Variants in MAML3 observed in about 807,000 individuals in gnomAD.
MAML3 encodes the protein mastermind like transcriptional coactivator 3, also known as mastermind-like protein 3.
In MAML3, 27 loss-of-function variants were observed where a neutral mutation model predicts 101.9. The ratio of observed to expected loss-of-function variants is 0.27; its 90% CI spans 0.20 to 0.37. The LOEUF (loss-of-function observed/expected upper bound fraction) is 0.37. Among genes scored for constraint, MAML3 ranks in the 10% least tolerant of loss-of-function variants. MAML3 has a pLI of 1.00. For synonymous variants in MAML3, 501 were observed against 555.9 expected (o/e 0.90, Z 1.39); for missense variants, 1,316 against 1,444.9 (o/e 0.91, Z 1.45).
intron 2 of MAML3, among the ~76,000 whole-genome samples, chr4:139,757,381 G>A (rs1729675054): frequency 6.6e-6 from 1 of 152,086 alleles, no homozygotes; most frequent in African/African-American, 2.4e-5. Flanking sequence ...CAGGTGTGGT[G>A]GCTCACCCCT....
At chr4:140,065,785 C>T (rs1727526831) in intron 1 of MAML3, among the ~76,000 whole-genome samples, 1 of 152,152 alleles carries the variant, frequency 6.6e-6, no homozygotes, top group Non-Finnish European at 1.5e-5. Context: ...AGATTATTCT[C>T]ATCATAAAAA....
At chr4:140,121,129 C>T (rs542779012) in intron 1 of MAML3, among the ~76,000 whole-genome samples, 2 of 152,290 alleles carry the variant, frequency 1.3e-5, no homozygotes, top group Admixed American at 1.3e-4. Flanking sequence ...CTATGATGAA[C>T]TCAGGCTCAA....
At chr4:139,798,550 T>A (rs1730556012) in intron 2 of MAML3, among the ~76,000 whole-genome samples, 1 of 152,186 alleles carries the variant, frequency 6.6e-6, no homozygotes, top group African/African-American at 2.4e-5. Flanking sequence ...AAAGACAAGG[T>A]CATCACAAAG....
At chr4:139,935,600 A>T (rs1026626158) in intron 1 of MAML3, among the ~76,000 whole-genome samples, 1 of 147,978 alleles carries the variant, frequency 6.8e-6, no homozygotes, top group Non-Finnish European at 1.5e-5. Context: ...TCTAACACTT[A>T]TTCTCAGTGT....
At chr4:139,947,629 T>C (rs574553218) in intron 1 of MAML3, among the ~76,000 whole-genome samples, 6 of 152,334 alleles carry the variant, frequency 3.9e-5, no homozygotes, top group African/African-American at 1.4e-4. Flanking sequence ...TGGGGCTTAA[T>C]TAACCTTTTA....
intron 1 of MAML3, among the ~76,000 whole-genome samples, chr4:139,967,817 T>G (rs1734163883): frequency 6.6e-6 from 1 of 152,090 alleles, no homozygotes; most frequent in Non-Finnish European, 1.5e-5. Flanking sequence ...TCTGTATTGT[T>G]TTCTTGCCAT....
chr4:139,788,377 G>GT (rs1730343230), intron 2 of MAML3, among the ~76,000 whole-genome samples: 1 of 152,130 alleles, frequency 6.6e-6, no homozygotes, highest in Admixed American at 6.5e-5. Flanking sequence ...TTTGCTAGAT[G>GT]TTTTTTCATG....
intron 2 of MAML3, among the ~76,000 whole-genome samples, chr4:139,855,436 A>G (rs1731639639): frequency 6.6e-6 from 1 of 152,244 alleles, no homozygotes; most frequent in African/African-American, 2.4e-5. Context: ...GGTATTTTAG[A>G]AAGACCTTTC....
chr4:139,969,855 A>G (rs1728704590), intron 1 of MAML3, among the ~76,000 whole-genome samples: 1 of 152,190 alleles, frequency 6.6e-6, no homozygotes, highest in Admixed American at 6.5e-5. Context: ...GACTCACAAA[A>G]AAGTGTTTCC....
intron 2 of MAML3, among the ~76,000 whole-genome samples, chr4:139,782,858 C>A (rs1471502872): frequency 1.3e-5 from 2 of 152,170 alleles, no homozygotes; most frequent in African/African-American, 2.4e-5. Flanking sequence ...TCACCTTTCA[C>A]CTAAAAATAT....
chr4:140,132,648 G>A lies in MAML3; in HGVS notation c.468+20212C>T, dbSNP rs1017015764. On this transcript the variant is annotated intron_variant, in intron 1 of 4. Coordinates refer to ENST00000509479, the MANE Select transcript of MAML3 (RefSeq NM_018717.5). ...GCTCCGAAGAAGGCAACGTCTGCAA[G>A]CAAATGCCTTCGTGGTGCCCTGGGA... Among the ~76,000 whole-genome samples, 6 of 152,232 alleles carry A rather than the reference G, an allele frequency of 3.9e-5. No homozygotes were observed. In the East Asian group the frequency reaches 1.2e-3, roughly 29 times the overall value.
At chr4:139,968,109 T>G (rs1324843895) in intron 1 of MAML3, among the ~76,000 whole-genome samples, 1 of 151,568 alleles carries the variant, frequency 6.6e-6, no homozygotes, top group South Asian at 2.1e-4. Context: ...TGAAACCCAG[T>G]CTCTACTAAA....
At chr4:139,933,171 G>C (rs1317130626) in intron 1 of MAML3, among the ~76,000 whole-genome samples, 4 of 149,286 alleles carry the variant, frequency 2.7e-5, no homozygotes, top group Non-Finnish European at 4.5e-5. Flanking sequence ...GGAAAGAGTG[G>C]GGAAGGAAGG....
At chr4:139,905,140 G>C (rs562298014) in intron 1 of MAML3, among the ~76,000 whole-genome samples, 1 of 152,310 alleles carries the variant, frequency 6.6e-6, no homozygotes, top group African/African-American at 2.4e-5. Context: ...AAGGTTTCAG[G>C]AGACACTGGA....
intron 2 of MAML3, among the ~76,000 whole-genome samples, chr4:139,858,542 C>T (rs1030307286): frequency 2.0e-5 from 3 of 149,720 alleles, no homozygotes; most frequent in Non-Finnish European, 4.4e-5. Context: ...ATTCATTGTA[C>T]GTTCCTTGAA....
chr4:139,886,752 A>G (rs1478307598), intron 2 of MAML3, among the ~76,000 whole-genome samples: 1 of 152,236 alleles, frequency 6.6e-6, no homozygotes, highest in African/African-American at 2.4e-5. Flanking sequence ...AAAAAGAATA[A>G]TATGTAAATT....
Position 139,725,804 on chromosome 4 carries a change from T to C in MAML3, c.2363A>G (p.His788Arg). 6.2e-7 allele frequency: 1 copy of C among 1,613,794 alleles called. No individual in the cohort carries two copies. The highest frequency in any genetic ancestry group is 1.1e-5 in the South Asian group (1 of 91,080). Residue 788 changes from histidine to arginine, a missense_variant, in exon 4 of 5, where the codon CAC becomes CGC. His to Arg is a conservative substitution (Grantham distance 29). Coordinates refer to ENST00000509479, the MANE Select transcript of MAML3 (RefSeq NM_018717.5). Reference sequence around the variant, plus strand: ...GTATGGATTCCGCTGTGGCTGGAGGTGCTGCCGGGGTAGATGTGATTGCTG... The same window carrying C: ...GTATGGATTCCGCTGTGGCTGGAGGCGCTGCCGGGGTAGATGTGATTGCTG... Reference protein sequence around the residue: ...QLQQSHLPRQHLQPQRNPYPV... With the variant: ...QLQQSHLPRQRLQPQRNPYPV...
At chr4:140,044,174 T>C (rs1018676510) in intron 1 of MAML3, among the ~76,000 whole-genome samples, 1 of 151,538 alleles carries the variant, frequency 6.6e-6, no homozygotes, top group African/African-American at 2.4e-5. Flanking sequence ...ATGAGGGCTA[T>C]GGGCCCGAGA....
intron 1 of MAML3, among the ~76,000 whole-genome samples, chr4:140,049,051 T>C (rs553814773): frequency 6.6e-6 from 1 of 152,318 alleles, no homozygotes; most frequent in Admixed American, 6.5e-5. Flanking sequence ...GACGTCTTTA[T>C]TCAGAGTTTG....
Sources: allele counts gnomAD v4.1 joint callset (sites outside exome capture counted in the v4.1 genomes callset), GRCh38; gene constraint gnomAD v4.1.1; transcripts MANE v1.5; gene names NCBI Gene and HGNC (gene_info 2026-07-23, HGNC 2026-07-21).